CNOT6: variants seen among roughly 807,000 people sequenced by gnomAD.
CNOT6 encodes the protein carbon catabolite repression 4 protein.
CNOT6 carries 12 observed loss-of-function variants against 61.2 expected under a neutral mutation model. The observed-to-expected ratio is 0.20, with a 90% CI of 0.13 to 0.32. CNOT6 has a LOEUF of 0.32. Ranked by LOEUF, CNOT6 falls within the 10% of genes least tolerant of loss-of-function variation. CNOT6 has a pLI of 1.00. For missense variants in CNOT6, 405 were observed against 663.9 expected, an observed-to-expected ratio of 0.61 and a Z score of 4.28; for synonymous variants, 225 against 240.6, an observed-to-expected ratio of 0.94 and a Z score of 0.60.
In CNOT6 at chr5:180,574,234, T is replaced by A; in HGVS notation, c.*34T>A. On this transcript the variant is annotated 3_prime_UTR_variant, in exon 12 of 12. Coordinates refer to ENST00000261951, the MANE Select transcript of CNOT6 (RefSeq NM_001370472.1). ...CTTCAGAGGACAGCCTTGATTCACT[T>A]GTAAACTTGTGAAAATCTGAACATA... The A allele has an allele frequency of 6.4e-7, 1 of 1,555,252 alleles. No individual in the cohort carries two copies. Among genetic ancestry groups the A allele is most frequent in the South Asian group, 1.1e-5 (1 of 89,724 alleles).
intron 1 of CNOT6, among the ~76,000 whole-genome samples, chr5:180,518,385 G>A (rs1232152982): frequency 6.6e-6 from 1 of 152,116 alleles, no homozygotes; most frequent in Non-Finnish European, 1.5e-5. Flanking sequence ...GAAATTGAGA[G>A]TTTAGGAGTG....
chr5:180,512,487 A>G (rs1203195396), intron 1 of CNOT6, among the ~76,000 whole-genome samples: 2 of 152,272 alleles, frequency 1.3e-5, no homozygotes, highest in African/African-American at 4.8e-5. Context: ...TCTTCTCAGC[A>G]GTAGAGATCT....
chr5:180,564,205 GTAT>G (rs1446015085), intron 4 of CNOT6, among the ~76,000 whole-genome samples: 7 of 152,270 alleles, frequency 4.6e-5, no homozygotes, highest in Admixed American at 1.3e-4. Flanking sequence ...ATAACCATCT[GTAT>G]TATTGAAAGT....
At chr5:180,572,191 C>G (rs1452859339) in intron 11 of CNOT6, among the ~76,000 whole-genome samples, 1 of 151,990 alleles carries the variant, frequency 6.6e-6, no homozygotes, top group African/African-American at 2.4e-5. Flanking sequence ...TTCTAAGATA[C>G]ATCTTTTTTC....
Position 180,549,334 on chromosome 5 carries a change from T to G in CNOT6, c.113-597T>G, listed in dbSNP as rs182541179. On this transcript the variant is annotated intron_variant, in intron 2 of 11. Coordinates refer to ENST00000261951, the MANE Select transcript of CNOT6 (RefSeq NM_001370472.1). The stretch of plus-strand genomic sequence containing the variant: ...TTACTATAAATTAATCATATTTCCC[T>G]CTCATATCTGAGATCATTTTAAAGG... Among the ~76,000 whole-genome samples, 344 of 152,292 alleles carry G rather than the reference T, an allele frequency of 2.3e-3. 2 individuals carry two copies. Among genetic ancestry groups the G allele is most frequent in the African/African-American group, 7.8e-3 (323 of 41,564 alleles).
At chr5:180,529,550 G>T (rs536035706) in intron 2 of CNOT6, among the ~76,000 whole-genome samples, 162 bp downstream of exon 2, 26 of 152,150 alleles carry the variant, frequency 1.7e-4, no homozygotes, top group Admixed American at 7.2e-4. Context: ...AAGCAGGAAG[G>T]TTCAATGAAA....
At chr5:180,527,918 G>A (rs1460440909) in intron 1 of CNOT6, among the ~76,000 whole-genome samples, 3 of 152,136 alleles carry the variant, frequency 2.0e-5, no homozygotes, top group Non-Finnish European at 2.9e-5. Flanking sequence ...CTGCGCATGC[G>A]AGGGACCTAG....
At chr5:180,552,339 A>G (rs1422973326) in intron 3 of CNOT6, among the ~76,000 whole-genome samples, 4 of 151,944 alleles carry the variant, frequency 2.6e-5, no homozygotes, top group Admixed American at 2.0e-4. Flanking sequence ...TTTCTTGCAC[A>G]CTTAAAAAGT....
chr5:180,548,476 G>A (rs1483815047), intron 2 of CNOT6, among the ~76,000 whole-genome samples: 1 of 152,158 alleles, frequency 6.6e-6, no homozygotes, highest in Non-Finnish European at 1.5e-5. Context: ...TCTCTCTGAT[G>A]TTCTGCCTCT....
At chr5:180,547,412 C>T (rs1474928660) in intron 2 of CNOT6, among the ~76,000 whole-genome samples, 1 of 151,796 alleles carries the variant, frequency 6.6e-6, no homozygotes, top group African/African-American at 2.4e-5. Flanking sequence ...CCCAGCTACC[C>T]AGGAGGCTGA....
chr5:180,526,414 T>C (rs1758105024), intron 1 of CNOT6, among the ~76,000 whole-genome samples: 1 of 152,124 alleles, frequency 6.6e-6, no homozygotes, highest in Non-Finnish European at 1.5e-5. Flanking sequence ...ATTGCACAAA[T>C]GGCTTACGTG....
Position 180,569,216 on chromosome 5 carries a change from G to A in CNOT6, c.1134G>A (p.Met378Ile). 1.2e-6 allele frequency: 2 copies of A among 1,614,086 alleles called. No individual in the cohort carries two copies. The highest frequency in any genetic ancestry group is 1.7e-6 in the Non-Finnish European group (2 of 1,179,948). The change falls in exon 10 of 12, where the codon ATG becomes ATA. Residue 378 changes from methionine (M) to isoleucine (I), a missense_variant. Transcript: ENST00000261951. ...YSDVKLVQTMMFLSEVKNIID... is the reference protein window; with the variant it reads ...YSDVKLVQTMIFLSEVKNIID... ...ATGTGAAGTTGGTACAAACTATGAT[G>A]TTCCTCTCAGAAGTGAAGAACATTA...
chr5:180,507,818 A>C (rs1306999895), intron 1 of CNOT6, among the ~76,000 whole-genome samples: 1 of 114,602 alleles, frequency 8.7e-6, no homozygotes, highest in Non-Finnish European at 2.0e-5. Flanking sequence ...ACCATGGAGG[A>C]AGGTGAAGGG....
intron 2 of CNOT6, among the ~76,000 whole-genome samples, chr5:180,531,161 A>C (rs1429250909): frequency 3.2e-5 from 4 of 125,592 alleles, no homozygotes; most frequent in Non-Finnish European, 7.0e-5. Context: ...GGCGCCCCCC[A>C]CCTCCCTCCC....
intron 1 of CNOT6, among the ~76,000 whole-genome samples, chr5:180,513,492 T>C (rs1330224641): frequency 6.6e-6 from 1 of 151,430 alleles, no homozygotes; most frequent in Non-Finnish European, 1.5e-5. Context: ...TCAGCTTCCC[T>C]ACTCTTAGAG....
At chr5:180,532,215 G>A (rs1417988685) in intron 2 of CNOT6, among the ~76,000 whole-genome samples, 2 of 152,114 alleles carry the variant, frequency 1.3e-5, no homozygotes, top group East Asian at 3.9e-4. Flanking sequence ...ATTTTTTCAG[G>A]ATTGGCATTT....
chr5:180,502,391 C>T (rs1017705813), intron 1 of CNOT6, among the ~76,000 whole-genome samples: 11 of 152,154 alleles, frequency 7.2e-5, no homozygotes, highest in African/African-American at 1.9e-4. Context: ...TCCTCATTAG[C>T]GGTAGAGATT....
intron 2 of CNOT6, among the ~76,000 whole-genome samples, chr5:180,538,308 G>A (rs1372916061): frequency 6.6e-6 from 1 of 151,474 alleles, no homozygotes; most frequent in Non-Finnish European, 1.5e-5. Flanking sequence ...CAGAGTGCTG[G>A]GATGACAGGC....
intron 1 of CNOT6, among the ~76,000 whole-genome samples, chr5:180,496,816 C>G (rs866466802): frequency 6.6e-6 from 1 of 152,180 alleles, no homozygotes; most frequent in Non-Finnish European, 1.5e-5. Flanking sequence ...TCCATAGTGT[C>G]TTGATAGTGG....
Sources: gnomAD v4.1 joint callset for allele counts (sites outside exome capture counted in the v4.1 genomes callset) on GRCh38, gnomAD v4.1.1 for gene constraint, MANE v1.5 for transcripts, NCBI Gene and HGNC (gene_info 2026-07-23, HGNC 2026-07-21) for gene names.